The following SETDB2 variants were observed in gnomAD, a reference collection of about 807,000 sequenced individuals.
The protein encoded by SETDB2 is SET domain bifurcated histone lysine methyltransferase 2, also known as histone-lysine N-methyltransferase SETDB2.
Under a neutral mutation model 82.5 loss-of-function variants are expected in SETDB2, and 56 were observed. The ratio of observed to expected loss-of-function variants is 0.68; its 90% CI spans 0.55 to 0.85. The LOEUF (loss-of-function observed/expected upper bound fraction) is 0.85. Among genes scored for constraint, SETDB2 ranks in the 40% least tolerant of loss-of-function variants. The probability of loss-of-function intolerance (pLI) is 0.00; values close to 1 mark genes in which losing one functional copy is unlikely to be tolerated. For synonymous variants in SETDB2, 272 were observed against 284.9 expected (o/e 0.95, Z 0.46); for missense variants, 677 against 816.4 (o/e 0.83, Z 2.08).
intron 11 of SETDB2, among the ~76,000 whole-genome samples, chr13:49,488,071 A>G (rs1272618017): frequency 2.6e-5 from 4 of 152,254 alleles, no homozygotes; most frequent in Non-Finnish European, 4.4e-5. Context: ...GGATTCAAAC[A>G]TTTCTAGGTT....
rs578083582 is a variant in SETDB2 at position 49,469,237 on chromosome 13, A to G, written c.305+1277A>G. Among the ~76,000 whole-genome samples the G allele has an allele frequency of 2.6e-5, 4 of 152,298 alleles. No individual in the cohort carries two copies. The East Asian group carries it at 7.7e-4, about 29-fold the overall frequency. ...TTGAACAGGACATGACCAAAGATAA[A>G]AACCTTGTGGCTGGCTCACTACTAG... On this transcript the variant is annotated intron_variant, in intron 5 of 13. Transcript: ENST00000611815.
rs549227951 is a variant in SETDB2 at position 49,459,894 on chromosome 13, A to T, written c.17-213A>T. 3.9e-3 allele frequency: 1,607 copies of T among 408,496 alleles called. 21 individuals carry two copies. Among genetic ancestry groups the T allele is most frequent in the African/African-American group, 0.027 (1,288 of 47,702 alleles). 25.3% of individuals were successfully genotyped at this position (408,496 alleles called of 1,614,324 possible). A position where few individuals can be genotyped will look rare whatever the true frequency, so the allele number is the denominator to read the frequency against. ...CACTAAAATTTTCAATATATATTTTAAAAATTAACAGAAATGGGTAAGATA... is the reference window on the plus strand; with the variant it reads ...CACTAAAATTTTCAATATATATTTTTAAAATTAACAGAAATGGGTAAGATA... On this transcript the variant is annotated intron_variant, in intron 2 of 13. Coordinates refer to ENST00000611815, the MANE Select transcript of SETDB2 (RefSeq NM_001160308.3).
intron 6 of SETDB2, among the ~76,000 whole-genome samples, chr13:49,477,255 G>A (rs1958385567): frequency 6.6e-6 from 1 of 152,082 alleles, no homozygotes; most frequent in South Asian, 2.1e-4. Context: ...GGGCAACATG[G>A]CAAAACCCCA....
rs1371087640 is a variant in SETDB2, at chr13:49,494,522, G to A, written c.*2673G>A. The A allele has an allele frequency of 6.6e-6, 1 of 152,126 alleles. No individual in the cohort carries two copies. The highest frequency in any genetic ancestry group is 1.5e-5 in the Non-Finnish European group (1 of 68,020). The allele number at this position is 152,126 out of a possible 1,614,324, so 9.4% of individuals were successfully genotyped here. On this transcript the variant is annotated 3_prime_UTR_variant, in exon 14 of 14. Transcript: ENST00000611815. ...CTGAGAGTGTGGTAAAGGGCTCTTT[G>A]TTTTACTATGACCTACCTGAGCTAT...
intron 8 of SETDB2, among the ~76,000 whole-genome samples, chr13:49,481,653 A>T (rs908055537): frequency 6.6e-6 from 1 of 152,252 alleles, no homozygotes; most frequent in Non-Finnish European, 1.5e-5. Flanking sequence ...AGTGTGTTAC[A>T]GTCATGCAAT....
At position 49,482,998 on chromosome 13, in the gene SETDB2, A is replaced by G. The variant is rs1958509456; in HGVS notation, c.1382+36A>G. 4 of 1,238,060 alleles carry G rather than the reference A, an allele frequency of 3.2e-6. No homozygotes were observed. In the East Asian group the frequency reaches 9.5e-5, roughly 29 times the overall value. The allele number at this position is 1,238,060 out of a possible 1,614,324, so 76.7% of individuals were successfully genotyped here. On this transcript the variant is annotated intron_variant, in intron 9 of 13. Coordinates refer to ENST00000611815, the MANE Select transcript of SETDB2 (RefSeq NM_001160308.3). ...GCTGAGGAACCCAGAGTAAATCTAA[A>G]TTATTATCAATCAATTGGTTCTTTT...
In SETDB2 at chr13:49,451,822, G is replaced by C. The variant is rs1303346833; in HGVS notation, c.-72G>C. ...ATAGAGACCACAGTTGGATTCCAGTGATATTCTGCAATCAAAGTGATTTGA... is the reference window on the plus strand; with the variant it reads ...ATAGAGACCACAGTTGGATTCCAGTCATATTCTGCAATCAAAGTGATTTGA... On this transcript the variant is annotated 5_prime_UTR_variant, in exon 2 of 14. Coordinates refer to ENST00000611815, the MANE Select transcript of SETDB2 (RefSeq NM_001160308.3). 1 of 1,216,672 alleles carries C rather than the reference G, an allele frequency of 8.2e-7. No individual in the cohort carries two copies. The highest frequency in any genetic ancestry group is 1.9e-5 in the Admixed American group (1 of 52,626). 75.4% of individuals were successfully genotyped at this position (1,216,672 alleles called of 1,614,324 possible). A position where few individuals can be genotyped will look rare whatever the true frequency, so the allele number is the denominator to read the frequency against.
At position 49,492,162 on chromosome 13, in the gene SETDB2, A is replaced by C. The variant is rs1410213079; in HGVS notation, c.*313A>C. 2 of 217,786 alleles carry C rather than the reference A, an allele frequency of 9.2e-6. No individual in the cohort carries two copies. Among genetic ancestry groups the C allele is most frequent in the African/African-American group, 4.7e-5 (2 of 42,944 alleles). The allele number at this position is 217,786 out of a possible 1,614,324, so 13.5% of individuals were successfully genotyped here. A position where few individuals can be genotyped will look rare whatever the true frequency, so the allele number is the denominator to read the frequency against. On this transcript the variant is annotated 3_prime_UTR_variant, in exon 14 of 14. Coordinates refer to ENST00000611815, the MANE Select transcript of SETDB2 (RefSeq NM_001160308.3). ...TTATATATTAAGAGAAACAAATGTC[A>C]TAACAGAACTCAGCTGTTTCTAATT...
rs776340808 is a variant in SETDB2, at chr13:49,480,263, C to T, written c.914C>T (p.Thr305Ile). The part of the protein sequence containing the change: ...CLQLTARNAK[T>I]SPLSSDKITT... ...CAACTGACAGCAAGGAATGCCAAAA[C>T]TTCCCCCTTGTCAAGTGACAAAATA... The change falls in exon 7 of 14, where the codon ACT (threonine) becomes ATT (isoleucine). Residue 305 changes from threonine (T) to isoleucine (I), a missense_variant. Coordinates refer to ENST00000611815, the MANE Select transcript of SETDB2 (RefSeq NM_001160308.3). 6.2e-7 allele frequency: 1 copy of T among 1,611,830 alleles called. No individual in the cohort carries two copies. The highest frequency in any genetic ancestry group is 8.5e-7 in the Non-Finnish European group (1 of 1,179,330).
chr13:49,454,663 G>A (rs748587349), intron 2 of SETDB2, among the ~76,000 whole-genome samples: 6 of 152,098 alleles, frequency 3.9e-5, no homozygotes, highest in Non-Finnish European at 8.8e-5. Context: ...CGTCCTAAAT[G>A]ATTTTTAAAA....
chr13:49,474,361 C>G (rs900511376), intron 5 of SETDB2, among the ~76,000 whole-genome samples: 1 of 152,224 alleles, frequency 6.6e-6, no homozygotes, highest in African/African-American at 2.4e-5. Context: ...TGATGAAACT[C>G]TGTGAAAACA....
At chr13:49,474,979 G>C (rs1841829455) in intron 5 of SETDB2, among the ~76,000 whole-genome samples, 1 of 152,194 alleles carries the variant, frequency 6.6e-6, no homozygotes, top group African/African-American at 2.4e-5. Context: ...TTTTTGGATG[G>C]CACTGCTTTA....
Position 49,490,859 on chromosome 13 carries a change from T to C in SETDB2, c.1955T>C (p.Phe652Ser), listed in dbSNP as rs971062331. The part of the protein sequence containing the change: ...CCPNLLVQNV[F>S]VETHNRNFPL... ...CCAAATCTCTTGGTACAGAATGTTT[T>C]TGTAGAAACACACAACAGGAATTTT... is the stretch of plus-strand genomic sequence containing the variant. The change falls in exon 13 of 14, where the codon TTT becomes TCT. Residue 652 changes from phenylalanine to serine, a missense_variant. Physicochemically the swap from Phe to Ser is radical, Grantham distance 155. Around this residue, in one of 3 missense-constraint regions of SETDB2, gnomAD observed 420 missense variants for 554.6 expected, o/e 0.76. Transcript: ENST00000611815. 6.2e-7 allele frequency: 1 copy of C among 1,613,628 alleles called. No individual in the cohort carries two copies. Among genetic ancestry groups the C allele is most frequent in the Non-Finnish European group, 8.5e-7 (1 of 1,179,762 alleles).
chr13:49,468,638 T>TTTTTTTTTGAGACGGAGTCTCGC (rs1555271407), intron 5 of SETDB2, among the ~76,000 whole-genome samples: 1 of 150,882 alleles, frequency 6.6e-6, no homozygotes, highest in Non-Finnish European at 1.5e-5. Context: ...CATTTGTTCT[T>TTTTTTTTTGAGACGGAGTCTCGC]TCAGCTTAAT....
chr13:49,491,630 A>AT, intron 13 of SETDB2, 102 bp from the exon 14 acceptor site: 1 of 782,978 alleles, frequency 1.3e-6, no homozygotes, highest in Non-Finnish European at 2.2e-6. Context: ...AACAGATCAT[A>AT]TTTTTGAGGA....
At chr13:49,459,929 T>A in intron 2 of SETDB2, 178 bp from the exon 3 acceptor site, 1 of 550,664 alleles carries the variant, frequency 1.8e-6, no homozygotes, top group Non-Finnish European at 3.1e-6. Flanking sequence ...ACTTAGATCA[T>A]ATTGTTTCTA....
chr13:49,471,928 A>T (rs1377409552), intron 5 of SETDB2, among the ~76,000 whole-genome samples: 60 of 68,272 alleles, frequency 8.8e-4, no homozygotes, highest in African/African-American at 3.6e-3. Context: ...ATATATATAT[A>T]TATATATTTT....
intron 5 of SETDB2, among the ~76,000 whole-genome samples, chr13:49,473,635 C>T (rs1021149965): frequency 6.7e-6 from 1 of 148,288 alleles, no homozygotes; most frequent in Non-Finnish European, 1.5e-5. Context: ...CAGTTTGAAA[C>T]ATATTTATTT....
intron 4 of SETDB2, among the ~76,000 whole-genome samples, chr13:49,465,829 G>A (rs760279062): frequency 1.1e-4 from 16 of 152,046 alleles, no homozygotes; most frequent in Non-Finnish European, 1.6e-4. Context: ...GAGCCACTGC[G>A]CCCCATCCAG....
Sources: allele counts gnomAD v4.1 joint callset (sites outside exome capture counted in the v4.1 genomes callset), GRCh38; gene constraint gnomAD v4.1.1; regional missense constraint gnomAD v4.1.1; transcripts MANE v1.5; gene names NCBI Gene and HGNC (gene_info 2026-07-23, HGNC 2026-07-21).